The following C8orf34 variants were observed in gnomAD, a reference collection of about 807,000 sequenced individuals.
C8orf34 encodes chromosome 8 open reading frame 34.
Under a neutral mutation model 68.3 loss-of-function variants are expected in C8orf34, and 65 were observed. The ratio of observed to expected loss-of-function variants is 0.95; its 90% CI spans 0.78 to 1.17. The LOEUF is 1.17. C8orf34 is among the 50% of genes most tolerant of loss of function. C8orf34 has a pLI of 0.00. For synonymous variants in C8orf34, 244 were observed against 241.2 expected (o/e 1.01, Z -0.11); for missense variants, 664 against 655.4 (o/e 1.01, Z -0.14).
chr8:68,471,524 G>A (rs1393306585), intron 4 of C8orf34, among the ~76,000 whole-genome samples: 1 of 152,080 alleles, frequency 6.6e-6, no homozygotes, highest in Non-Finnish European at 1.5e-5. Context: ...CTGGAACCAG[G>A]ATGTAATTCA....
At chr8:68,539,245 T>A (rs1223947953) in intron 7 of C8orf34, among the ~76,000 whole-genome samples, 18 of 152,202 alleles carry the variant, frequency 1.2e-4, no homozygotes, top group Admixed American at 1.2e-3. Context: ...GATCATTTGT[T>A]TAGCCATAGT....
intron 7 of C8orf34, among the ~76,000 whole-genome samples, chr8:68,543,933 C>G (rs1437141369): frequency 6.6e-6 from 1 of 152,006 alleles, no homozygotes; most frequent in Non-Finnish European, 1.5e-5. Flanking sequence ...GGGAAATAAA[C>G]AAGGTGAGCT....
At chr8:68,414,696 T>C (rs1282634708) in intron 1 of C8orf34, among the ~76,000 whole-genome samples, 1 of 152,164 alleles carries the variant, frequency 6.6e-6, no homozygotes, top group Non-Finnish European at 1.5e-5. Flanking sequence ...TCTAGAATTA[T>C]TCATGATGTT....
At chr8:68,505,179 A>C (rs1016142708) in intron 5 of C8orf34, among the ~76,000 whole-genome samples, 2 of 151,962 alleles carry the variant, frequency 1.3e-5, no homozygotes, top group Non-Finnish European at 2.9e-5. Context: ...ATTTCTTCAC[A>C]TCTTGGCCAT....
chr8:68,370,660 C>T (rs548310054), intron 1 of C8orf34, among the ~76,000 whole-genome samples: 1 of 152,284 alleles, frequency 6.6e-6, no homozygotes, highest in South Asian at 2.1e-4. Flanking sequence ...TCATGATTTA[C>T]TGTGGCATGT....
At chr8:68,809,611 AC>A (rs1415727890) in intron 12 of C8orf34, among the ~76,000 whole-genome samples, 2 of 152,104 alleles carry the variant, frequency 1.3e-5, no homozygotes, top group Non-Finnish European at 2.9e-5. Flanking sequence ...ACAAAAAAGA[AC>A]CCATTACTCA....
Position 68,721,428 on chromosome 8 carries a change from A to C in C8orf34, c.1395A>C (p.Leu465=), listed in dbSNP as rs1455972402. 2.5e-6 allele frequency: 4 copies of C among 1,599,190 alleles called. No homozygotes were observed. Among genetic ancestry groups the C allele is most frequent in the Admixed American group, 1.7e-5 (1 of 59,888 alleles). Residue 465 remains leucine (L), a synonymous_variant, in exon 10 of 14, where the codon CTA becomes CTC. Transcript: ENST00000518698. ...ACGAATTTGAGAAAGCATCTAAACT[A>C]ACAGGACCTGTAAGTATATTCATTG... ...EGDEFEKASK[L]TGPGEASSGV...
At chr8:68,422,953 G>A (rs1013381359) in intron 1 of C8orf34, among the ~76,000 whole-genome samples, 26 of 152,162 alleles carry the variant, frequency 1.7e-4, no homozygotes, top group Non-Finnish European at 2.5e-4. Context: ...CCTTTTAGCC[G>A]TGGCTGGAGC....
intron 2 of C8orf34, among the ~76,000 whole-genome samples, chr8:68,441,248 G>C (rs536212348): frequency 6.6e-6 from 1 of 152,250 alleles, no homozygotes; most frequent in South Asian, 2.1e-4. Flanking sequence ...CTGGAGGCTG[G>C]ACTAGGAAAG....
intron 8 of C8orf34, among the ~76,000 whole-genome samples, chr8:68,693,062 G>GT (rs1394817891): frequency 7.9e-5 from 12 of 152,044 alleles, no homozygotes. Flanking sequence ...TAATGACATG[G>GT]TTTATGATAA....
chr8:68,543,986 C>A (rs1289898035), intron 7 of C8orf34, among the ~76,000 whole-genome samples: 1 of 152,120 alleles, frequency 6.6e-6, no homozygotes, highest in African/African-American at 2.4e-5. Context: ...ACTCCCCTGG[C>A]CAACTTGTTT....
chr8:68,446,240 T>G, intron 2 of C8orf34, 89 bp from the exon 3 acceptor site: 1 of 1,072,060 alleles, frequency 9.3e-7, no homozygotes, highest in Non-Finnish European at 1.4e-6. Context: ...ATATGTTTTG[T>G]CAAGTATATT....
chr8:68,601,610 T>C (rs1482774479), intron 7 of C8orf34, among the ~76,000 whole-genome samples: 4 of 152,300 alleles, frequency 2.6e-5, no homozygotes, highest in South Asian at 4.1e-4. Context: ...CTGCTGAGAT[T>C]CATTTTATCC....
Position 68,521,821 on chromosome 8 carries a change from C to G in C8orf34, c.788C>G (p.Ser263Cys), listed in dbSNP as rs202183701. 7.0e-5 allele frequency: 113 copies of G among 1,613,254 alleles called. No homozygotes were observed. Among genetic ancestry groups the G allele is most frequent in the Non-Finnish European group, 7.6e-6 (9 of 1,179,652 alleles). Residue 263 changes from serine (S) to cysteine (C), a missense_variant, in exon 6 of 14, where the codon TCT (serine) becomes TGT (cysteine). Ser to Cys is a moderately radical substitution (Grantham distance 112). Coordinates refer to ENST00000518698, the MANE Select transcript of C8orf34 (RefSeq NM_052958.4). ...CAGGAAACAGTGACATTTAATTCTT[C>G]TCTTCTGAGGCCCCGTGTGATTGGA... ...LDKETVTFNSSLLRPRVIGEW... is the reference protein window; with the variant it reads ...LDKETVTFNSCLLRPRVIGEW...
intron 10 of C8orf34, among the ~76,000 whole-genome samples, chr8:68,743,542 G>A (rs79874726): frequency 0.02 from 3,089 of 152,294 alleles, 97 homozygotes; most frequent in African/African-American, 0.069. Flanking sequence ...TGCGCAAGCC[G>A]AACCAGGGCG....
chr8:68,527,106 C>T (rs963122350), intron 6 of C8orf34, among the ~76,000 whole-genome samples: 3 of 152,162 alleles, frequency 2.0e-5, no homozygotes, highest in African/African-American at 7.2e-5. Context: ...TCTCATCAGG[C>T]CTCTTTTTGT....
At chr8:68,594,162 A>ATC (rs1245754889) in intron 7 of C8orf34, among the ~76,000 whole-genome samples, 1 of 152,048 alleles carries the variant, frequency 6.6e-6, no homozygotes, top group Non-Finnish European at 1.5e-5. Context: ...CTGATTGGTC[A>ATC]TCTAAAGTTC....
At chr8:68,415,060 G>A (rs536004481) in intron 1 of C8orf34, among the ~76,000 whole-genome samples, 2 of 152,170 alleles carry the variant, frequency 1.3e-5, no homozygotes, top group Non-Finnish European at 2.9e-5. Context: ...GACCTGAGGT[G>A]TGGAAGCTAA....
chr8:68,360,347 A>T (rs952284567), intron 1 of C8orf34, among the ~76,000 whole-genome samples: 6 of 152,188 alleles, frequency 3.9e-5, no homozygotes, highest in Non-Finnish European at 8.8e-5. Flanking sequence ...GTCTCTACTA[A>T]AAAAATAATC....
Sources: allele counts gnomAD v4.1 joint callset (sites outside exome capture counted in the v4.1 genomes callset), GRCh38; gene constraint gnomAD v4.1.1; transcripts MANE v1.5; gene names NCBI Gene and HGNC (gene_info 2026-07-23, HGNC 2026-07-21).